The following MINK1 variants were observed in gnomAD, a reference collection of about 807,000 sequenced individuals.
The protein encoded by MINK1 is misshapen-like kinase 1.
A neutral mutation model predicts 178.4 loss-of-function variants in MINK1; 46 were observed. The observed-to-expected ratio is 0.26, with a 90% CI of 0.20 to 0.33. The LOEUF (loss-of-function observed/expected upper bound fraction) is 0.33. Ranked by LOEUF, MINK1 falls within the 10% of genes least tolerant of loss-of-function variation. The pLI is 1.00. For synonymous variants in MINK1, 797 were observed against 709.7 expected (o/e 1.12, Z -1.96); for missense variants, 1,366 against 1,814.9 (o/e 0.75, Z 4.49).
chr17:4,894,771 C>A lies in MINK1; in HGVS notation c.2917+138C>A, dbSNP rs534660041. Reference sequence around the variant, plus strand: ...TTGGGCCCTAGCACCTGCCTGGGCACAGAGGCAAGGAAGAGCCTCTGAGAC... The same window carrying A: ...TTGGGCCCTAGCACCTGCCTGGGCAAAGAGGCAAGGAAGAGCCTCTGAGAC... On this transcript the variant is annotated intron_variant, in intron 24 of 31. Transcript: ENST00000355280. The surrounding 1 kb of genome is among the most constrained non-coding windows in gnomAD (Gnocchi z 4.1). The A allele has an allele frequency of 1.5e-3, 1,044 of 712,826 alleles. 2 individuals are homozygous for A. The highest frequency in any genetic ancestry group is 1.3e-3 in the Non-Finnish European group (557 of 419,550). The allele number at this position is 712,826 out of a possible 1,614,324, so 44.2% of individuals were successfully genotyped here.
At chr17:4,873,584 C>T (rs8076482) in intron 1 of MINK1, among the ~76,000 whole-genome samples, 75,570 of 123,758 alleles carry the variant, frequency 0.61, 26,002 homozygotes, top group Non-Finnish European at 0.75. Flanking sequence ...TCTCCCACAA[C>T]ACAGCATGGT....
intron 1 of MINK1, among the ~76,000 whole-genome samples, chr17:4,840,387 A>G (rs563945729): frequency 5.1e-4 from 77 of 151,722 alleles, no homozygotes; most frequent in Non-Finnish European, 8.8e-4. Context: ...GTGGGAGGGG[A>G]AAAAAAATGG....
rs756027852 is a variant in MINK1, at chr17:4,895,510, T to G, written c.3229+17T>G. 1 of 1,559,448 alleles carries G rather than the reference T, an allele frequency of 6.4e-7. No individual in the cohort carries two copies. Among genetic ancestry groups the G allele is most frequent in the Admixed American group, 1.8e-5 (1 of 55,460 alleles). On this transcript the variant is annotated intron_variant, in intron 26 of 31. Transcript: ENST00000355280. The surrounding 1 kb of genome is among the most constrained non-coding windows in gnomAD (Gnocchi z 4.3). The stretch of plus-strand genomic sequence containing the variant: ...CCATCTCAGGTACAGGTGTGGTGAG[T>G]GGGGGAGGGAGGAGGGGCTCAGCTC...
chr17:4,834,073 G>C (rs932016438), intron 1 of MINK1, among the ~76,000 whole-genome samples: 2 of 151,840 alleles, frequency 1.3e-5, no homozygotes, highest in African/African-American at 2.4e-5. Context: ...TTTTGACTTT[G>C]CAACTGTCTC....
chr17:4,833,475 G>A lies in MINK1; in HGVS notation c.-109G>A. ...CTCCCCGGTCTCCGGGGGAGGCGCGGTGGAGTCCGCCCCCGGGGTTCTCCG... is the reference window on the plus strand; with the variant it reads ...CTCCCCGGTCTCCGGGGGAGGCGCGATGGAGTCCGCCCCCGGGGTTCTCCG... On this transcript the variant is annotated 5_prime_UTR_variant, in exon 1 of 32. The change creates a new upstream start codon in the 5' untranslated region. Transcript: ENST00000355280. The surrounding 1 kb of genome is among the most constrained non-coding windows in gnomAD (Gnocchi z 4.8). The A allele has an allele frequency of 1.1e-6, 1 of 906,452 alleles. No homozygotes were observed. The highest frequency in any genetic ancestry group is 1.6e-6 in the Non-Finnish European group (1 of 618,962). 56.2% of individuals were successfully genotyped at this position (906,452 alleles called of 1,614,324 possible). A position where few individuals can be genotyped will look rare whatever the true frequency, so the allele number is the denominator to read the frequency against.
intron 1 of MINK1, among the ~76,000 whole-genome samples, chr17:4,837,354 A>G (rs1046796655): frequency 1.3e-5 from 2 of 152,246 alleles, no homozygotes; most frequent in Non-Finnish European, 2.9e-5. Context: ...AACACAGTGC[A>G]GTGCTTGCTT....
intron 1 of MINK1, among the ~76,000 whole-genome samples, chr17:4,853,883 A>G (rs1435743166): frequency 6.6e-6 from 1 of 152,108 alleles, no homozygotes; most frequent in African/African-American, 2.4e-5. Flanking sequence ...CCGCTGCCTG[A>G]AAGACTTTGC....
At position 4,895,953 on chromosome 17, in the gene MINK1, CGTGGCGCAA is replaced by C. The variant is rs766274393; in HGVS notation, c.3365-48_3365-40del. Reference sequence around the variant, plus strand: ...TAGTGACAGACCACGGGGAGGCGCCCGTGGCGCAAGAAGGGAAGTCTCAGCATCCCTCTT... The same window carrying C: ...TAGTGACAGACCACGGGGAGGCGCCCGAAGGGAAGTCTCAGCATCCCTCTT... On this transcript the variant is annotated intron_variant, in intron 27 of 31. Coordinates refer to ENST00000355280, the MANE Select transcript of MINK1 (RefSeq NM_153827.5). This position sits in a 1 kb window ranked among gnomAD's most constrained non-coding sequence, Gnocchi z 4.3. 1 of 1,567,154 alleles carries C rather than the reference CGTGGCGCAA, an allele frequency of 6.4e-7. No individual in the cohort carries two copies. The highest frequency in any genetic ancestry group is 1.2e-5 in the South Asian group (1 of 85,646).
Position 4,894,483 on chromosome 17 carries a change from G to C in MINK1, c.2809-42G>C. ...CAGCAGCAGGGGCAGGGCCGCAGCT[G>C]GACTTGCACTTGTTTGCCTGACTGC... On this transcript the variant is annotated intron_variant, in intron 23 of 31. Coordinates refer to ENST00000355280, the MANE Select transcript of MINK1 (RefSeq NM_153827.5). The surrounding 1 kb of genome is among the most constrained non-coding windows in gnomAD (Gnocchi z 4.1). 1.3e-6 allele frequency: 2 copies of C among 1,542,842 alleles called. No individual in the cohort carries two copies. Among genetic ancestry groups the C allele is most frequent in the Non-Finnish European group, 8.8e-7 (1 of 1,135,466 alleles).
Position 4,894,140 on chromosome 17 carries a change from C to T in MINK1, c.2671-34C>T. ...CCCCTGTACCTGTGTGTGCCCTCCT[C>T]AGCCCCACGCCAACCCTGCCCTCTG... On this transcript the variant is annotated intron_variant, in intron 22 of 31. Coordinates refer to ENST00000355280, the MANE Select transcript of MINK1 (RefSeq NM_153827.5). The surrounding 1 kb of genome is among the most constrained non-coding windows in gnomAD (Gnocchi z 4.1). The T allele has an allele frequency of 6.2e-7, 1 of 1,611,784 alleles. No individual in the cohort carries two copies. Among genetic ancestry groups the T allele is most frequent in the Non-Finnish European group, 8.5e-7 (1 of 1,178,592 alleles).
At chr17:4,847,295 G>T (rs909718464) in intron 1 of MINK1, 21 of 453,048 alleles carry the variant, frequency 4.6e-5, no homozygotes, top group South Asian at 3.1e-4. Flanking sequence ...CTGGAATGCA[G>T]TGGCGCAGTC....
intron 1 of MINK1, among the ~76,000 whole-genome samples, chr17:4,864,639 C>T (rs1396981908): frequency 6.6e-6 from 1 of 152,044 alleles, no homozygotes; most frequent in African/African-American, 2.4e-5. Flanking sequence ...GCAGGAGAAT[C>T]GCTTGAACCC....
chr17:4,890,834 G>A, intron 14 of MINK1, 99 bp downstream of exon 14: 1 of 1,515,402 alleles, frequency 6.6e-7, no homozygotes, highest in Non-Finnish European at 8.9e-7. Flanking sequence ...GCACCAAGTA[G>A]GGGAAAGGAG....
intron 1 of MINK1, chr17:4,859,160 C>T (rs1913701055): frequency 2.0e-6 from 2 of 985,470 alleles, no homozygotes; most frequent in South Asian, 4.7e-5. Context: ...CCTTCCTTGT[C>T]TCCACTGGGC....
chr17:4,894,876 CAG>C lies in MINK1; in HGVS notation c.2918-197_2918-196del, dbSNP rs1969285610. ...GCAAAGACTCAAAGCTAACAAGTGA[CAG>C]AAATGGGACTTGAGCCAGACCTTTT... On this transcript the variant is annotated intron_variant, in intron 24 of 31. Coordinates refer to ENST00000355280, the MANE Select transcript of MINK1 (RefSeq NM_153827.5). This position sits in a 1 kb window ranked among gnomAD's most constrained non-coding sequence, Gnocchi z 4.1. 3.0e-6 allele frequency: 2 copies of C among 674,482 alleles called. No individual in the cohort carries two copies. The highest frequency in any genetic ancestry group is 3.6e-5 in the African/African-American group (2 of 55,294). The allele number at this position is 674,482 out of a possible 1,614,324, so 41.8% of individuals were successfully genotyped here. A position where few individuals can be genotyped will look rare whatever the true frequency, so the allele number is the denominator to read the frequency against.
intron 1 of MINK1, among the ~76,000 whole-genome samples, chr17:4,873,133 CCT>C (rs1567591461): frequency 6.6e-6 from 1 of 152,216 alleles, no homozygotes; most frequent in Non-Finnish European, 1.5e-5. Context: ...ATGACCATCT[CCT>C]CTTCTGGCGT....
At chr17:4,846,065 G>A (rs965511269) in intron 1 of MINK1, among the ~76,000 whole-genome samples, 6 of 152,218 alleles carry the variant, frequency 3.9e-5, no homozygotes, top group Admixed American at 6.5e-5. Flanking sequence ...GGGAGGGAGT[G>A]ACACACTTAT....
intron 4 of MINK1, chr17:4,883,392 G>C (rs1162618473): frequency 6.7e-6 from 1 of 148,954 alleles, no homozygotes; most frequent in Non-Finnish European, 1.5e-5. Context: ...TTTTAGTAGA[G>C]ATGGGGTTTC....
chr17:4,842,207 G>A (rs962751188), intron 1 of MINK1, among the ~76,000 whole-genome samples: 2 of 138,868 alleles, frequency 1.4e-5, no homozygotes, highest in Non-Finnish European at 3.1e-5. Context: ...CTGGGCGACA[G>A]AGCGAGACTC....
Sources: allele counts gnomAD v4.1 joint callset (sites outside exome capture counted in the v4.1 genomes callset), GRCh38; gene constraint gnomAD v4.1.1; non-coding constraint Gnocchi (gnomAD v3.1); transcripts MANE v1.5; gene names NCBI Gene and HGNC (gene_info 2026-07-23, HGNC 2026-07-21).